The following CNTNAP2 variants were observed in gnomAD, a reference collection of about 807,000 sequenced individuals.
CNTNAP2 encodes the protein contactin associated protein 2.
In CNTNAP2, 98 loss-of-function variants were observed where a neutral mutation model predicts 155.2. The ratio of observed to expected loss-of-function variants is 0.63; its 90% CI spans 0.54 to 0.75. The LOEUF is 0.75. Among genes scored for constraint, CNTNAP2 ranks in the 30% least tolerant of loss-of-function variants. The pLI, the probability that CNTNAP2 is intolerant of heterozygous loss-of-function variation, is 0.00. For missense variants in CNTNAP2, 1,727 were observed against 1,688.1 expected, an observed-to-expected ratio of 1.02 and a Z score of -0.40; for synonymous variants, 651 against 631.2, an observed-to-expected ratio of 1.03 and a Z score of -0.47.
chr7:146,513,054 C>CT (rs1444782560), intron 1 of CNTNAP2, among the ~76,000 whole-genome samples: 2 of 151,748 alleles, frequency 1.3e-5, no homozygotes, highest in Middle Eastern at 3.2e-3. Flanking sequence ...TTCTTTGTGT[C>CT]TTTTTACAGT....
At chr7:148,082,158 A>G (rs1316816804) in intron 15 of CNTNAP2, among the ~76,000 whole-genome samples, 5 of 152,154 alleles carry the variant, frequency 3.3e-5, no homozygotes, top group African/African-American at 1.2e-4. Flanking sequence ...GAAGAGATGA[A>G]TGAATGGAAG....
chr7:146,889,162 T>A (rs1019920123), intron 3 of CNTNAP2, among the ~76,000 whole-genome samples: 1 of 152,202 alleles, frequency 6.6e-6, no homozygotes, highest in African/African-American at 2.4e-5. Flanking sequence ...TTTTCTATAT[T>A]AATTATACCT....
intron 1 of CNTNAP2, among the ~76,000 whole-genome samples, chr7:146,157,561 T>C (rs1798146033): frequency 6.6e-6 from 1 of 152,048 alleles, no homozygotes; most frequent in South Asian, 2.1e-4. Context: ...CCAATGGCCT[T>C]AGGAAATGGC....
intron 14 of CNTNAP2, among the ~76,000 whole-genome samples, chr7:147,927,661 A>G (rs1002371320): frequency 1.3e-5 from 2 of 152,212 alleles, no homozygotes; most frequent in Admixed American, 6.5e-5. Flanking sequence ...ATGCCATAAG[A>G]TTAACTATAC....
At chr7:148,243,056 G>A (rs1796188849) in intron 20 of CNTNAP2, among the ~76,000 whole-genome samples, 1 of 152,202 alleles carries the variant, frequency 6.6e-6, no homozygotes, top group South Asian at 2.1e-4. Context: ...CATCCAAAAA[G>A]AAGTGGAAGT....
chr7:147,985,931 T>C (rs1420733239), intron 15 of CNTNAP2, among the ~76,000 whole-genome samples: 1 of 152,172 alleles, frequency 6.6e-6, no homozygotes, highest in African/African-American at 2.4e-5. Flanking sequence ...CCACAGGTGC[T>C]GGGCCAACTG....
chr7:147,040,269 T>C (rs958464512), intron 3 of CNTNAP2, among the ~76,000 whole-genome samples: 8 of 152,142 alleles, frequency 5.3e-5, no homozygotes, highest in Non-Finnish European at 1.5e-5. Context: ...CAATATCTGC[T>C]ACATAGAAGA....
chr7:148,342,145 C>T (rs1258319795), intron 21 of CNTNAP2, among the ~76,000 whole-genome samples: 1 of 152,232 alleles, frequency 6.6e-6, no homozygotes, highest in East Asian at 1.9e-4. Flanking sequence ...CTTCTACTCT[C>T]TGCTGCGGTG....
intron 20 of CNTNAP2, among the ~76,000 whole-genome samples, chr7:148,240,032 C>T (rs1195266080): frequency 2.0e-5 from 3 of 152,208 alleles, no homozygotes; most frequent in Non-Finnish European, 2.9e-5. Flanking sequence ...AAACAGCAAT[C>T]GTTTCTGAAG....
At chr7:147,806,499 A>G (rs75988197) in intron 13 of CNTNAP2, among the ~76,000 whole-genome samples, 1,720 of 152,306 alleles carry the variant, frequency 0.011, 94 homozygotes, top group Admixed American at 0.09. Context: ...ACTGCTGAAT[A>G]TATATAAAAA....
At chr7:146,816,921 C>G (rs529446310) in intron 2 of CNTNAP2, among the ~76,000 whole-genome samples, 1 of 152,116 alleles carries the variant, frequency 6.6e-6, no homozygotes, top group African/African-American at 2.4e-5. Flanking sequence ...AGGAAAATAT[C>G]ATAGATAATA....
At chr7:146,279,462 A>ACT (rs1283677272) in intron 1 of CNTNAP2, among the ~76,000 whole-genome samples, 1 of 150,408 alleles carries the variant, frequency 6.6e-6, no homozygotes, top group African/African-American at 2.5e-5. Flanking sequence ...ACACACACAC[A>ACT]CTTCCACACA....
intron 1 of CNTNAP2, among the ~76,000 whole-genome samples, chr7:146,223,082 CT>C (rs1275714919): frequency 6.6e-6 from 1 of 152,100 alleles, no homozygotes; most frequent in African/African-American, 2.4e-5. Flanking sequence ...TTTATACACA[CT>C]AACTTATTCA....
At chr7:147,726,791 A>G (rs1377959764) in intron 13 of CNTNAP2, among the ~76,000 whole-genome samples, 1 of 152,016 alleles carries the variant, frequency 6.6e-6, no homozygotes, top group Non-Finnish European at 1.5e-5. Context: ...TTTAGAAATA[A>G]CTTCAACAGT....
intron 16 of CNTNAP2, among the ~76,000 whole-genome samples, chr7:148,146,542 AT>A: frequency 6.6e-6 from 1 of 152,332 alleles, no homozygotes; most frequent in East Asian, 1.9e-4. Flanking sequence ...AGGAAGGTTG[AT>A]TTGGAGGTGA....
chr7:146,618,051 T>C (rs1023408290), intron 1 of CNTNAP2, among the ~76,000 whole-genome samples: 8 of 152,092 alleles, frequency 5.3e-5, no homozygotes, highest in African/African-American at 1.7e-4. Flanking sequence ...ATAAAGAAAA[T>C]TGGAGTAATA....
intron 8 of CNTNAP2, among the ~76,000 whole-genome samples, chr7:147,280,374 C>T (rs1036258871): frequency 8.6e-5 from 13 of 151,856 alleles, no homozygotes; most frequent in African/African-American, 2.9e-4. Flanking sequence ...CATATTCAGG[C>T]GTCTCTTACA....
rs748334732 is a variant in CNTNAP2 at position 146,330,012 on chromosome 7, CTTTTTTTTT to C, written c.97+213058_97+213066del. 9.4e-5 allele frequency among the ~76,000 whole-genome samples: 7 copies of C among 74,834 alleles called. No homozygotes were observed. In the South Asian group the frequency reaches 2.6e-3, roughly 28 times the overall value. 49.1% of individuals were successfully genotyped at this position (74,834 alleles called of 152,430 possible). A position where few individuals can be genotyped will look rare whatever the true frequency, so the allele number is the denominator to read the frequency against. On this transcript the variant is annotated intron_variant, in intron 1 of 23. Transcript: ENST00000361727. Reference sequence around the variant, plus strand: ...CATTTATTGATTCAACAAGTACTTTCTTTTTTTTTTTTTTTTTTTTTTTTTTTGAGACAG... The same window carrying C: ...CATTTATTGATTCAACAAGTACTTTCTTTTTTTTTTTTTTTTTTGAGACAG...
intron 1 of CNTNAP2, among the ~76,000 whole-genome samples, chr7:146,726,661 A>C (rs989761566): frequency 6.6e-6 from 1 of 152,172 alleles, no homozygotes; most frequent in Admixed American, 6.5e-5. Context: ...AAATGCCAAC[A>C]CTTAGATTAT....
Sources: allele counts gnomAD v4.1 joint callset (sites outside exome capture counted in the v4.1 genomes callset), GRCh38; gene constraint gnomAD v4.1.1; transcripts MANE v1.5; gene names NCBI Gene and HGNC (gene_info 2026-07-23, HGNC 2026-07-21).